Variants in STRIP2 observed in about 807,000 individuals in gnomAD.
STRIP2 encodes striatin-interacting protein 2.
STRIP2 carries 84 observed loss-of-function variants against 107.1 expected under a neutral mutation model. That is an observed-to-expected ratio of 0.78 (90% CI 0.66 to 0.94). The LOEUF is 0.94. Among genes scored for constraint, STRIP2 ranks in the 40% least tolerant of loss-of-function variants. The probability of loss-of-function intolerance (pLI) is 0.00; values close to 1 mark genes in which losing one functional copy is unlikely to be tolerated. For synonymous variants in STRIP2, 394 were observed against 400.4 expected (o/e 0.98, Z 0.19); for missense variants, 888 against 1,034.2 (o/e 0.86, Z 1.94).
intron 3 of STRIP2, among the ~76,000 whole-genome samples, chr7:129,446,273 G>A (rs1357772561): frequency 6.6e-6 from 1 of 152,114 alleles, no homozygotes; most frequent in Non-Finnish European, 1.5e-5. Context: ...GTCACCCACT[G>A]GTGAACACTC....
At chr7:129,442,812 C>T (rs1797935960) in intron 2 of STRIP2, among the ~76,000 whole-genome samples, 1 of 152,176 alleles carries the variant, frequency 6.6e-6, no homozygotes, top group Non-Finnish European at 1.5e-5. Flanking sequence ...AGACAGCTGG[C>T]TGGAACATAA....
chr7:129,434,535 C>G lies in STRIP2; in HGVS notation c.63C>G (p.Gly21=), dbSNP rs1584926626. ...CCGCAAATGGCAATGGCAACGGCGG[C>G]GGCAAAGGGAAGCAGGCGGCGCCCA... The part of the protein sequence containing the change: ...GPPANGNGNG[G]GKGKQAAPKG... The change falls in exon 1 of 21, where the codon GGC becomes GGG. Residue 21 remains glycine, a synonymous_variant. Transcript: ENST00000249344. 1 of 1,517,824 alleles carries G rather than the reference C, an allele frequency of 6.6e-7. No homozygotes were observed. Among genetic ancestry groups the G allele is most frequent in the Non-Finnish European group, 8.8e-7 (1 of 1,140,284 alleles). 94.0% of individuals were successfully genotyped at this position (1,517,824 alleles called of 1,614,324 possible). A position where few individuals can be genotyped will look rare whatever the true frequency, so the allele number is the denominator to read the frequency against.
intron 18 of STRIP2, among the ~76,000 whole-genome samples, chr7:129,476,095 G>C (rs1007193145): frequency 6.6e-6 from 1 of 152,120 alleles, no homozygotes; most frequent in Admixed American, 6.5e-5. Context: ...CCCAGAGGGG[G>C]TGGCGGCCGG....
intron 1 of STRIP2, 125 bp from the exon 2 acceptor site, chr7:129,439,897 C>G: frequency 1.3e-6 from 1 of 753,376 alleles, no homozygotes; most frequent in Non-Finnish European, 2.3e-6. Context: ...TAGGACTCTC[C>G]TAACTGTCTC....
In STRIP2 at chr7:129,477,631, A is replaced by T. The variant is rs116639690; in HGVS notation, c.1945-3154A>T. ...CCACTTATTTCACTTGAGAACCATT[A>T]CTCTCTTTTAAGCTATCCAGATCTA... On this transcript the variant is annotated intron_variant, in intron 18 of 20. Transcript: ENST00000249344. Among the ~76,000 whole-genome samples the T allele has an allele frequency of 6.7e-3, 1,018 of 152,250 alleles. 12 individuals are homozygous for T. Among genetic ancestry groups the T allele is most frequent in the African/African-American group, 0.023 (964 of 41,534 alleles).
chr7:129,462,577 T>C (rs1252002725), intron 13 of STRIP2, among the ~76,000 whole-genome samples: 1 of 152,228 alleles, frequency 6.6e-6, no homozygotes, highest in African/African-American at 2.4e-5. Context: ...TATTCCTTCC[T>C]GTTTCTCCAG....
rs1562912709 is a variant in STRIP2 at position 129,470,644 on chromosome 7, T to C, written c.1878-5T>C. 1.2e-6 allele frequency: 2 copies of C among 1,613,422 alleles called. No homozygotes were observed. Among genetic ancestry groups the C allele is most frequent in the Non-Finnish European group, 1.7e-6 (2 of 1,179,334 alleles). On this transcript the variant is annotated splice_polypyrimidine_tract_variant and splice_region_variant and intron_variant, in intron 17 of 20. Transcript: ENST00000249344. ...AAAGCCTGTCCTTATCTCTGCATCT[T>C]ACAGCATCTCAGTCCTGGATTATCC... is the stretch of plus-strand genomic sequence containing the variant.
chr7:129,464,767 G>A, intron 16 of STRIP2, 29 bp downstream of exon 16: 2 of 1,613,824 alleles, frequency 1.2e-6, no homozygotes, highest in Non-Finnish European at 8.5e-7. Context: ...TTCTCCACAG[G>A]TCTTGGGTGT....
At chr7:129,466,852 G>C (rs1472467746) in intron 16 of STRIP2, among the ~76,000 whole-genome samples, 1 of 152,130 alleles carries the variant, frequency 6.6e-6, no homozygotes, top group Non-Finnish European at 1.5e-5. Context: ...TAAATACTAA[G>C]GATAATATGG....
At chr7:129,465,934 A>G (rs1269591606) in intron 16 of STRIP2, among the ~76,000 whole-genome samples, 1 of 152,204 alleles carries the variant, frequency 6.6e-6, no homozygotes, top group Non-Finnish European at 1.5e-5. Context: ...TGTAGGGTCT[A>G]TGTCCATGGC....
chr7:129,440,454 A>C (rs1797867736), intron 2 of STRIP2, among the ~76,000 whole-genome samples: 2 of 151,438 alleles, frequency 1.3e-5, no homozygotes, highest in South Asian at 4.2e-4. Context: ...TTGCCTGCCT[A>C]CTTCTTTCTG....
At position 129,487,787 on chromosome 7, in the gene STRIP2, A is replaced by C. The variant is rs1392797634; in HGVS notation, c.*1958A>C. 2.6e-5 allele frequency: 4 copies of C among 152,336 alleles called. No homozygotes were observed. Among genetic ancestry groups the C allele is most frequent in the Non-Finnish European group, 5.9e-5 (4 of 68,020 alleles). The allele number at this position is 152,336 out of a possible 1,614,324, so 9.4% of individuals were successfully genotyped here. On this transcript the variant is annotated 3_prime_UTR_variant, in exon 21 of 21. Coordinates refer to ENST00000249344, the MANE Select transcript of STRIP2 (RefSeq NM_020704.3). The stretch of plus-strand genomic sequence containing the variant: ...GGAAAGAGTAATCATCCATCAATTT[A>C]TTATAAAGCCAGATAGTATTCAATT...
intron 18 of STRIP2, 115 bp downstream of exon 18, chr7:129,470,830 T>G: frequency 1.2e-6 from 1 of 840,620 alleles, no homozygotes; most frequent in African/African-American, 1.7e-5. Flanking sequence ...CTCAGATCAA[T>G]GAAGGTATAT....
intron 20 of STRIP2, among the ~76,000 whole-genome samples, chr7:129,485,271 TAGA>T (rs1287835941): frequency 1.3e-5 from 2 of 152,016 alleles, no homozygotes; most frequent in Non-Finnish European, 2.9e-5. Flanking sequence ...GGAAATACAA[TAGA>T]AGAAGTCCAC....
intron 18 of STRIP2, among the ~76,000 whole-genome samples, chr7:129,479,310 C>T (rs1296434297): frequency 6.6e-6 from 1 of 151,428 alleles, no homozygotes; most frequent in Non-Finnish European, 1.5e-5. Context: ...CTCCCTGTCT[C>T]TATTAACCAC....
intron 17 of STRIP2, among the ~76,000 whole-genome samples, chr7:129,469,625 A>G (rs1160467455): frequency 6.6e-6 from 1 of 152,250 alleles, no homozygotes; most frequent in East Asian, 1.9e-4. Flanking sequence ...GAACAACATT[A>G]CAGGTAGTTT....
chr7:129,457,238 G>A (rs1798388706), intron 9 of STRIP2, among the ~76,000 whole-genome samples: 2 of 152,124 alleles, frequency 1.3e-5, no homozygotes, highest in South Asian at 4.1e-4. Flanking sequence ...AACCCAGATG[G>A]TATAGCCTAC....
intron 3 of STRIP2, among the ~76,000 whole-genome samples, chr7:129,449,048 G>C (rs754147618): frequency 2.0e-5 from 3 of 152,150 alleles, no homozygotes; most frequent in Non-Finnish European, 2.9e-5. Flanking sequence ...GGCATTTCCA[G>C]CTCACTCAGA....
chr7:129,448,125 A>T (rs1464117925), intron 3 of STRIP2, among the ~76,000 whole-genome samples: 1 of 152,168 alleles, frequency 6.6e-6, no homozygotes, highest in Non-Finnish European at 1.5e-5. Context: ...TATGCCAATT[A>T]TGCATTCTGG....
Sources: gnomAD v4.1 joint callset for allele counts (sites outside exome capture counted in the v4.1 genomes callset) on GRCh38, gnomAD v4.1.1 for gene constraint, MANE v1.5 for transcripts, NCBI Gene and HGNC (gene_info 2026-07-23, HGNC 2026-07-21) for gene names.